The following DOCK9 variants were observed in gnomAD, a reference collection of about 807,000 sequenced individuals.
DOCK9 encodes the protein dedicator of cytokinesis protein 9.
Under a neutral mutation model 263.3 loss-of-function variants are expected in DOCK9, and 89 were observed. The observed-to-expected ratio is 0.34, with a 90% CI of 0.28 to 0.40. The LOEUF is 0.40. Ranked by LOEUF, DOCK9 falls within the 10% of genes least tolerant of loss-of-function variation. DOCK9 has a pLI of 1.00. For synonymous variants in DOCK9, 976 were observed against 973.1 expected (o/e 1.00, Z -0.06); for missense variants, 2,140 against 2,603.4 (o/e 0.82, Z 3.87).
intron 9 of DOCK9, among the ~76,000 whole-genome samples, chr13:98,911,227 A>G (rs748868624): frequency 5.9e-5 from 9 of 152,218 alleles, no homozygotes; most frequent in Non-Finnish European, 1.2e-4. Context: ...AGTATTTGTA[A>G]AACACCTGAA....
chr13:98,881,761 C>T (rs1594927962), intron 24 of DOCK9, 131 bp downstream of exon 24: 5 of 1,237,728 alleles, frequency 4.0e-6, no homozygotes, highest in East Asian at 2.5e-5. Context: ...TAGATGGGGT[C>T]CTTACACATG....
At chr13:99,086,762 G>A (rs2042356748), upstream of DOCK9, 1 of 147,734 alleles carries the variant, frequency 6.8e-6, no homozygotes, top group African/African-American at 2.5e-5. Context: ...GCGGGACGGC[G>A]GGCCAGGCAG....
chr13:98,994,728 C>G (rs138378945), intron 1 of DOCK9, among the ~76,000 whole-genome samples: 355 of 152,010 alleles, frequency 2.3e-3, no homozygotes, highest in African/African-American at 7.9e-3. Context: ...TAATTGTGCT[C>G]CTAGTAAAAT....
chr13:98,887,143 A>ATATATATATATATATATATAT (rs1470080750), intron 18 of DOCK9, among the ~76,000 whole-genome samples: 1 of 95,258 alleles, frequency 1.0e-5, no homozygotes, highest in African/African-American at 4.3e-5. Flanking sequence ...ATATATATAT[A>ATATATATATATATATATATAT]TTTTTTTTTT....
rs200280863 is a variant in DOCK9, at chr13:98,880,478, TG to T, written c.2871+68del. On this transcript the variant is annotated intron_variant, in intron 26 of 52. Coordinates refer to ENST00000682017, the MANE Select transcript of DOCK9 (RefSeq NM_001366683.2). ...CTAAGAGCACTCAGAAAGGCTGTAT[TG>T]ATCAGGCTGTGGAGTGAATTCCTGT... 1,242 of 1,602,702 alleles carry T rather than the reference TG, an allele frequency of 7.7e-4. 7 individuals carry two copies. In the African/African-American group the frequency reaches 0.014, roughly 18 times the overall value.
chr13:98,837,447 A>G, intron 39 of DOCK9, 47 bp downstream of exon 39: 1 of 1,323,624 alleles, frequency 7.6e-7, no homozygotes, highest in East Asian at 2.3e-5. Context: ...AAGCAGAATG[A>G]ATGTGAAAGG....
chr13:98,836,230 C>T (rs1215051614), intron 39 of DOCK9, among the ~76,000 whole-genome samples: 10 of 152,240 alleles, frequency 6.6e-5, no homozygotes, highest in Admixed American at 3.3e-4. Flanking sequence ...CCTGGTGGGG[C>T]ACAGGAGGAG....
intron 1 of DOCK9, among the ~76,000 whole-genome samples, chr13:99,040,478 T>G (rs1299459631): frequency 1.3e-5 from 2 of 152,036 alleles, no homozygotes; most frequent in Non-Finnish European, 2.9e-5. Flanking sequence ...ACCAACAATA[T>G]CATAGTCAGA....
chr13:99,038,250 A>AAAT lies in DOCK9; in HGVS notation c.129+47970_129+47972dup, dbSNP rs199888924. On this transcript the variant is annotated intron_variant, in intron 1 of 32. Transcript: ENST00000427887. ...TATCCTAGTCTTTATAATTAACCGG[A>AAAT]AATAACTATTAAGCTGAAAAACTGG... 9.5e-3 allele frequency among the ~76,000 whole-genome samples: 1,415 copies of AAAT among 148,948 alleles called. 34 individuals carry two copies. The highest frequency in any genetic ancestry group is 0.034 in the African/African-American group (1,359 of 40,318).
chr13:98,916,632 C>G (rs2050931771), intron 7 of DOCK9, among the ~76,000 whole-genome samples: 1 of 152,252 alleles, frequency 6.6e-6, no homozygotes, highest in African/African-American at 2.4e-5. Flanking sequence ...AGACTGTCTG[C>G]TGTGGGCTCA....
At chr13:98,892,538 T>C (rs1420739036) in intron 15 of DOCK9, among the ~76,000 whole-genome samples, 3 of 152,330 alleles carry the variant, frequency 2.0e-5, no homozygotes, top group Middle Eastern at 6.8e-3. Context: ...AAATTTGAGA[T>C]ATTTTTGTTT....
rs771497268 is a variant in DOCK9 at position 98,809,473 on chromosome 13, G to T, written c.5254-8C>A. 3 of 1,581,438 alleles carry T rather than the reference G, an allele frequency of 1.9e-6. No individual in the cohort carries two copies. In the South Asian group the frequency reaches 3.5e-5, roughly 18 times the overall value. ...ATACAGATGGGCCAGCCTCTGGAAA[G>T]CAGAACAAAGCCCATTTCTTCCCAT... On this transcript the variant is annotated splice_polypyrimidine_tract_variant and splice_region_variant and intron_variant, in intron 46 of 52. Coordinates refer to ENST00000682017, the MANE Select transcript of DOCK9 (RefSeq NM_001366683.2).
intron 2 of DOCK9, among the ~76,000 whole-genome samples, chr13:98,952,773 T>G (rs2140931371): frequency 6.6e-6 from 1 of 152,318 alleles, no homozygotes; most frequent in South Asian, 2.1e-4. Flanking sequence ...ATGCTTATAT[T>G]TTAGTAAATT....
intron 1 of DOCK9, among the ~76,000 whole-genome samples, chr13:99,077,562 T>C (rs998264137): frequency 6.6e-6 from 1 of 152,162 alleles, no homozygotes; most frequent in African/African-American, 2.4e-5. Flanking sequence ...CAATCTCAGG[T>C]ATGCCTTTAT....
chr13:99,040,056 C>T (rs1888305966), intron 1 of DOCK9, among the ~76,000 whole-genome samples: 1 of 152,130 alleles, frequency 6.6e-6, no homozygotes, highest in Admixed American at 6.5e-5. Context: ...AAATCTAATC[C>T]TCAATGTAAT....
intron 1 of DOCK9, among the ~76,000 whole-genome samples, chr13:98,997,261 TG>T (rs1176436002): frequency 6.6e-6 from 1 of 152,256 alleles, no homozygotes; most frequent in Admixed American, 6.5e-5. Context: ...TGGCCCTCTG[TG>T]GATCACCTCA....
rs114850378 is a variant in DOCK9, at chr13:98,850,245, C to T, written c.3947-132G>A. ...CTGGAGTGTAGGCCTCTAAACCCTT[C>T]CCCTGCCCTCTTTTATAGCTGACCA... On this transcript the variant is annotated intron_variant, in intron 35 of 52. Transcript: ENST00000682017. 6.2e-3 allele frequency: 3,578 copies of T among 575,782 alleles called. 114 individuals are homozygous for T. The African/African-American group carries it at 0.062, about 10-fold the overall frequency. 35.7% of individuals were successfully genotyped at this position (575,782 alleles called of 1,614,324 possible).
At chr13:99,077,981 G>C (rs1289740861) in intron 1 of DOCK9, among the ~76,000 whole-genome samples, 1 of 152,140 alleles carries the variant, frequency 6.6e-6, no homozygotes, top group Non-Finnish European at 1.5e-5. Flanking sequence ...AATGAGGAAG[G>C]CAAAGGAGAT....
chr13:98,902,732 G>A lies in DOCK9; in HGVS notation c.1176+240C>T, dbSNP rs73558812. Among the ~76,000 whole-genome samples the A allele has an allele frequency of 8.2e-3, 1,254 of 152,230 alleles. 14 individuals carry two copies. The highest frequency in any genetic ancestry group is 0.027 in the African/African-American group (1,127 of 41,532). On this transcript the variant is annotated intron_variant, in intron 11 of 52. Transcript: ENST00000682017. ...TATGTTCCATAGAAAACACAGTTGC[G>A]TTCCCTGAAGCATCTAAGATGAACT...
Sources: allele counts gnomAD v4.1 joint callset (sites outside exome capture counted in the v4.1 genomes callset), GRCh38; gene constraint gnomAD v4.1.1; transcripts MANE v1.5; gene names NCBI Gene and HGNC (gene_info 2026-07-23, HGNC 2026-07-21).